GPHN: variants seen among roughly 807,000 people sequenced by gnomAD.
GPHN encodes the protein gephyrin.
A neutral mutation model predicts 95.5 loss-of-function variants in GPHN; 17 were observed. The ratio of observed to expected loss-of-function variants is 0.18; its 90% CI spans 0.12 to 0.27. GPHN has a LOEUF of 0.27. Among genes scored for constraint, GPHN ranks in the 10% least tolerant of loss-of-function variants. The probability of loss-of-function intolerance (pLI) is 1.00; values close to 1 mark genes in which losing one functional copy is unlikely to be tolerated. For synonymous variants in GPHN, 320 were observed against 322.5 expected, an observed-to-expected ratio of 0.99 and a Z score of 0.08; for missense variants, 660 against 978.1, an observed-to-expected ratio of 0.67 and a Z score of 4.34.
chr14:67,384,324 G>C, the GPHN span: 1 of 148,470 alleles, frequency 6.7e-6, no homozygotes, highest in Non-Finnish European at 1.5e-5. Flanking sequence ...TAGAGCTCCA[G>C]TTCTTTATAA....
At chr14:66,819,148 A>T (rs987624732) in intron 3 of GPHN, among the ~76,000 whole-genome samples, 1 of 152,124 alleles carries the variant, frequency 6.6e-6, no homozygotes, top group African/African-American at 2.4e-5. Flanking sequence ...TTTCTTTGTC[A>T]TGAATTCTTT....
At chr14:67,013,942 C>G (rs1166125966) in intron 9 of GPHN, among the ~76,000 whole-genome samples, 1 of 151,846 alleles carries the variant, frequency 6.6e-6, no homozygotes, top group Non-Finnish European at 1.5e-5. Flanking sequence ...TACAAATACT[C>G]AATAATTCAA....
the GPHN span, among the ~76,000 whole-genome samples, chr14:67,300,977 C>G: frequency 6.6e-6 from 1 of 152,100 alleles, no homozygotes; most frequent in African/African-American, 2.4e-5. Context: ...CAGGTGTGAG[C>G]CACTGCACCC....
At chr14:67,526,929 G>A in the GPHN span, among the ~76,000 whole-genome samples, 1 of 152,300 alleles carries the variant, frequency 6.6e-6, no homozygotes, top group East Asian at 1.9e-4. Flanking sequence ...AAAACCCTGA[G>A]CACAACAAGG....
At chr14:67,626,180 G>A in the GPHN span, among the ~76,000 whole-genome samples, 2 of 152,068 alleles carry the variant, frequency 1.3e-5, no homozygotes, top group African/African-American at 4.8e-5. Flanking sequence ...CTTGAACCTA[G>A]GAGGTGGAGG....
At chr14:67,017,134 CT>C (rs1321850817) in intron 9 of GPHN, among the ~76,000 whole-genome samples, 3 of 152,062 alleles carry the variant, frequency 2.0e-5, no homozygotes, top group African/African-American at 7.2e-5. Flanking sequence ...AAAGCCAAAA[CT>C]CTTTGAGTTC....
chr14:66,609,408 T>A (rs1192099717), intron 1 of GPHN, among the ~76,000 whole-genome samples: 1 of 152,148 alleles, frequency 6.6e-6, no homozygotes, highest in Non-Finnish European at 1.5e-5. Flanking sequence ...GTGAATCTGA[T>A]GTCTGTGTGT....
At chr14:67,583,869 C>T in the GPHN span, 531 of 1,613,722 alleles carry the variant, frequency 3.3e-4, no homozygotes, top group Non-Finnish European at 3.1e-4. Flanking sequence ...ATGGGGCCCC[C>T]GCTGAACAGC....
chr14:67,629,214 T>C, the GPHN span, among the ~76,000 whole-genome samples: 2 of 152,264 alleles, frequency 1.3e-5, no homozygotes, highest in Admixed American at 6.5e-5. Flanking sequence ...TGCATGCACA[T>C]AGTCCTAGCT....
At chr14:67,248,355 TA>T in the GPHN span, among the ~76,000 whole-genome samples, 23 of 147,028 alleles carry the variant, frequency 1.6e-4, no homozygotes, top group Admixed American at 2.7e-4. Context: ...TCTCTTTTCT[TA>T]AAAAAAAAAG....
At chr14:67,541,198 C>T in the GPHN span, among the ~76,000 whole-genome samples, 2 of 152,080 alleles carry the variant, frequency 1.3e-5, no homozygotes, top group Non-Finnish European at 2.9e-5. Flanking sequence ...CCATTTTTTT[C>T]TCATCTAACA....
intron 10 of GPHN, among the ~76,000 whole-genome samples, chr14:67,056,665 C>T (rs2075584682): frequency 6.6e-6 from 1 of 152,222 alleles, no homozygotes; most frequent in Admixed American, 6.5e-5. Context: ...GCTGGCTTCA[C>T]CTAGTGGATC....
At chr14:66,546,091 C>T (rs1259183341) in intron 1 of GPHN, among the ~76,000 whole-genome samples, 9 of 143,930 alleles carry the variant, frequency 6.3e-5, no homozygotes, top group African/African-American at 1.6e-4. Context: ...ACATCCCAGA[C>T]GGGGCGGCGG....
chr14:67,685,633 AT>A, the GPHN span, among the ~76,000 whole-genome samples: 1 of 150,540 alleles, frequency 6.6e-6, no homozygotes, highest in African/African-American at 2.4e-5. Context: ...CATCCCCTTC[AT>A]TTTTTTGAGA....
At chr14:67,586,323 T>A in the GPHN span, 1 of 1,327,532 alleles carries the variant, frequency 7.5e-7, no homozygotes, top group South Asian at 1.2e-5. Context: ...AACTCTGGCC[T>A]AGCTACTATT....
At chr14:67,716,977 T>G in the GPHN span, among the ~76,000 whole-genome samples, 522 of 152,302 alleles carry the variant, frequency 3.4e-3, 4 homozygotes, top group African/African-American at 0.012. Context: ...ATCACATATA[T>G]AAAACAAATA....
At chr14:67,324,897 A>ATTTTTTTTTTTTT in the GPHN span, among the ~76,000 whole-genome samples, 1 of 76,328 alleles carries the variant, frequency 1.3e-5, no homozygotes, top group Non-Finnish European at 2.4e-5. Context: ...CCTTCCTTTC[A>ATTTTTTTTTTTTT]TTTTTTTTTT....
chr14:66,622,656 T>C (rs2063356498), intron 1 of GPHN, among the ~76,000 whole-genome samples: 1 of 152,126 alleles, frequency 6.6e-6, no homozygotes, highest in Admixed American at 6.5e-5. Flanking sequence ...CTAAATCATC[T>C]CTCTCAAGTT....
chr14:67,490,476 G>T, the GPHN span, among the ~76,000 whole-genome samples: 1 of 152,206 alleles, frequency 6.6e-6, no homozygotes, highest in African/African-American at 2.4e-5. Flanking sequence ...TCAGGTCAGA[G>T]AATAACAACT....
Sources: gnomAD v4.1 joint callset for allele counts (sites outside exome capture counted in the v4.1 genomes callset) on GRCh38, gnomAD v4.1.1 for gene constraint, MANE v1.5 for transcripts, NCBI Gene and HGNC (gene_info 2026-07-23, HGNC 2026-07-21) for gene names.